Variants in EXT2 observed in about 807,000 individuals in gnomAD.
The protein encoded by EXT2 is exostosin glycosyltransferase 2.
Under a neutral mutation model 81.6 loss-of-function variants are expected in EXT2, and 53 were observed. The ratio of observed to expected loss-of-function variants is 0.65; its 90% CI spans 0.52 to 0.82. The LOEUF is 0.82. EXT2 is among the 40% of genes least tolerant of loss of function. The pLI is 0.00. For synonymous variants in EXT2, 320 were observed against 340.0 expected, an observed-to-expected ratio of 0.94 and a Z score of 0.65; for missense variants, 774 against 910.2, an observed-to-expected ratio of 0.85 and a Z score of 1.93.
chr11:44,137,142 A>G (rs1954582564), intron 7 of EXT2, among the ~76,000 whole-genome samples: 1 of 152,068 alleles, frequency 6.6e-6, no homozygotes, highest in African/African-American at 2.4e-5. Flanking sequence ...GTGTTTAACT[A>G]TTTTTTTCAA....
At chr11:44,195,507 G>A (rs1353847036) in intron 8 of EXT2, among the ~76,000 whole-genome samples, 1 of 152,044 alleles carries the variant, frequency 6.6e-6, no homozygotes, top group Non-Finnish European at 1.5e-5. Flanking sequence ...ATAGCATGTT[G>A]TGGACATTTT....
At chr11:44,154,934 AT>A (rs1354556581) in intron 7 of EXT2, among the ~76,000 whole-genome samples, 1 of 151,672 alleles carries the variant, frequency 6.6e-6, no homozygotes, top group African/African-American at 2.4e-5. Flanking sequence ...ACATGACTTA[AT>A]TTTGCCCATT....
Position 44,121,103 on chromosome 11 carries a change from G to A in EXT2, c.744-3686G>A, listed in dbSNP as rs146793311. ...TCACATCTACACTTGTTCACATTGG[G>A]TGGGGAAGAAGGCGCACGTGGAATG... On this transcript the variant is annotated intron_variant, in intron 4 of 13. Coordinates refer to ENST00000533608, the MANE Select transcript of EXT2 (RefSeq NM_207122.2). Among the ~76,000 whole-genome samples, 15 of 152,322 alleles carry A rather than the reference G, an allele frequency of 9.8e-5. No individual in the cohort carries two copies. The East Asian group carries it at 2.9e-3, about 29-fold the overall frequency.
intron 8 of EXT2, among the ~76,000 whole-genome samples, chr11:44,195,485 T>C (rs1440972965): frequency 1.3e-5 from 2 of 152,124 alleles, no homozygotes; most frequent in Non-Finnish European, 2.9e-5. Context: ...CTCTTGGTTG[T>C]GAAATCTAAT....
At chr11:44,182,890 C>T (rs1179163262) in intron 8 of EXT2, among the ~76,000 whole-genome samples, 2 of 152,178 alleles carry the variant, frequency 1.3e-5, no homozygotes, top group Admixed American at 1.3e-4. Flanking sequence ...ATTCATGTCT[C>T]TTTAGCCTCC....
Position 44,246,875 on chromosome 11 carries a change from A to G in EXT2, c.*2588A>G, listed in dbSNP as rs1338355484. Among the ~76,000 whole-genome samples the G allele has an allele frequency of 1.3e-5, 2 of 152,232 alleles. No homozygotes were observed. The highest frequency in any genetic ancestry group is 2.4e-5 in the African/African-American group (1 of 41,468). On this transcript the variant is annotated 3_prime_UTR_variant, in exon 14 of 14. Transcript: ENST00000533608. ...AAGCAGAACAATCATGCTAATTAAA[A>G]TGTCGTGTTCTGGCCTACAGCAGAC...
chr11:44,112,029 A>T (rs1954151822), intron 3 of EXT2, among the ~76,000 whole-genome samples: 1 of 152,218 alleles, frequency 6.6e-6, no homozygotes, highest in East Asian at 1.9e-4. Flanking sequence ...TGACCGATAG[A>T]ATCGGTCTGC....
chr11:44,199,250 T>A (rs1013071395), intron 9 of EXT2, among the ~76,000 whole-genome samples: 1 of 152,174 alleles, frequency 6.6e-6, no homozygotes, highest in Non-Finnish European at 1.5e-5. Flanking sequence ...TGGGCATCAT[T>A]TAAGAAGGGA....
At chr11:44,203,189 T>C (rs926895657) in intron 9 of EXT2, among the ~76,000 whole-genome samples, 13 of 152,342 alleles carry the variant, frequency 8.5e-5, no homozygotes, top group Non-Finnish European at 1.9e-4. Flanking sequence ...ATCCCAAGAA[T>C]ATTAGTCAAG....
intron 12 of EXT2, among the ~76,000 whole-genome samples, chr11:44,234,705 G>A (rs773672592): frequency 6.6e-6 from 1 of 151,922 alleles, no homozygotes; most frequent in Non-Finnish European, 1.5e-5. Context: ...TCAATTACCA[G>A]TTTTTAAAAG....
At chr11:44,159,134 T>C (rs1275276300) in intron 7 of EXT2, among the ~76,000 whole-genome samples, 5 of 147,410 alleles carry the variant, frequency 3.4e-5, no homozygotes, top group East Asian at 1.9e-4. Flanking sequence ...TTTTTTTTTT[T>C]CTTCATTTAT....
At chr11:44,129,927 G>A (rs1161290737) in intron 6 of EXT2, 118 bp from the exon 7 acceptor site, 2 of 775,954 alleles carry the variant, frequency 2.6e-6, no homozygotes, top group Non-Finnish European at 4.6e-6. Context: ...CGGAAGGGAT[G>A]TGGGGCTGAA....
At position 44,096,169 on chromosome 11, in the gene EXT2, C is replaced by CCCGCCCT. The variant is rs998962711; in HGVS notation, c.-31+330_-31+336dup. 4.1e-4 allele frequency: 538 copies of CCCGCCCT among 1,324,748 alleles called. 2 individuals are homozygous for CCCGCCCT. In the East Asian group the frequency reaches 7.4e-3, roughly 18 times the overall value. The allele number at this position is 1,324,748 out of a possible 1,614,324, so 82.1% of individuals were successfully genotyped here. On this transcript the variant is annotated intron_variant, in intron 1 of 13. Transcript: ENST00000533608. ...TCCGCTCCTTCCTTTCCTCCTGCGA[C>CCCGCCCT]CCGCCCTCCGCCCTCCGCCGTGACC...
intron 10 of EXT2, 49 bp from the exon 11 acceptor site, chr11:44,232,304 G>T (rs373646167): frequency 2.5e-6 from 4 of 1,611,210 alleles, no homozygotes; most frequent in Middle Eastern, 2.0e-4. Context: ...AGCACTGAAT[G>T]GTTGCTGTCT....
chr11:44,144,397 A>G (rs1199435114), intron 7 of EXT2: 7 of 1,429,368 alleles, frequency 4.9e-6, no homozygotes, highest in Non-Finnish European at 5.8e-6. Context: ...CTCTTTGCTG[A>G]GAAGGCTTGA....
intron 1 of EXT2, among the ~76,000 whole-genome samples, chr11:44,106,774 T>G (rs1166605633): frequency 6.6e-6 from 1 of 152,090 alleles, no homozygotes; most frequent in Non-Finnish European, 1.5e-5. Flanking sequence ...GGATTACAGG[T>G]GCATGCCACC....
chr11:44,243,618 C>T (rs1047145519), intron 13 of EXT2, among the ~76,000 whole-genome samples: 2 of 72,902 alleles, frequency 2.7e-5, no homozygotes, highest in Non-Finnish European at 5.1e-5. Context: ...GCCCTGTCAC[C>T]TTTTTTTTTT....
chr11:44,155,630 C>T (rs998228278), intron 7 of EXT2, among the ~76,000 whole-genome samples: 3 of 152,136 alleles, frequency 2.0e-5, no homozygotes, highest in African/African-American at 7.2e-5. Context: ...AAAACTTACA[C>T]TTCAACTTCA....
chr11:44,125,063 A>G, intron 5 of EXT2, 79 bp downstream of exon 5: 2 of 1,406,748 alleles, frequency 1.4e-6, no homozygotes, highest in Non-Finnish European at 2.0e-6. Context: ...AGCGAACCTG[A>G]GTTGTTTTCA....
Sources: gnomAD v4.1 joint callset for allele counts (sites outside exome capture counted in the v4.1 genomes callset) on GRCh38, gnomAD v4.1.1 for gene constraint, MANE v1.5 for transcripts, NCBI Gene and HGNC (gene_info 2026-07-23, HGNC 2026-07-21) for gene names.